HMGXB3: variants seen among roughly 807,000 people sequenced by gnomAD.
The protein encoded by HMGXB3 is HMG-box containing 3.
Under a neutral mutation model 121.5 loss-of-function variants are expected in HMGXB3, and 45 were observed. That is an observed-to-expected ratio of 0.37 (90% CI 0.29 to 0.47). The LOEUF (loss-of-function observed/expected upper bound fraction) is 0.47, where lower values mean the gene tolerates loss of function less well. HMGXB3 is among the 20% of genes least tolerant of loss of function. The pLI, the probability that HMGXB3 is intolerant of heterozygous loss-of-function variation, is 0.99. For synonymous variants in HMGXB3, 590 were observed against 624.1 expected (o/e 0.95, Z 0.81); for missense variants, 1,376 against 1,602.2 (o/e 0.86, Z 2.41).
Position 150,026,830 on chromosome 5 carries a change from C to T in HMGXB3, c.1585C>T (p.Arg529Ter). 1.9e-6 allele frequency: 3 copies of T among 1,541,512 alleles called. No homozygotes were observed. Among genetic ancestry groups the T allele is most frequent in the Non-Finnish European group, 1.8e-6 (2 of 1,142,494 alleles). ...AILPAPVNVG[R>*]GSSMGLPRAR... ...TTTGCCAGCCCCAGTTAACGTGGGG[C>T]GAGGCAGCAGCATGGGACTGCCCAG... Residue 529 changes from arginine (R) to a stop codon, truncating the protein, a stop_gained, in exon 8 of 20, where the codon CGA becomes TGA. Transcript: ENST00000502717. LOFTEE classifies it high-confidence loss of function.
chr5:150,016,596 C>A (rs7737689), intron 5 of HMGXB3, among the ~76,000 whole-genome samples: 113,554 of 152,076 alleles, frequency 0.75, 42,773 homozygotes, highest in Non-Finnish European at 0.8. Flanking sequence ...ATCAAGAAAT[C>A]TATTTTTCCA....
intron 11 of HMGXB3, among the ~76,000 whole-genome samples, chr5:150,034,206 T>A (rs566311764): frequency 1.1e-4 from 17 of 152,330 alleles, no homozygotes; most frequent in Non-Finnish European, 4.4e-5. Flanking sequence ...CTTCCCGGAT[T>A]TTCAGTGGGT....
At position 150,006,526 on chromosome 5, in the gene HMGXB3, TC is replaced by T; in HGVS notation, c.196del (p.His66ThrfsTer32). 6.4e-7 allele frequency: 1 copy of T among 1,551,894 alleles called. No individual in the cohort carries two copies. On this transcript the variant is annotated frameshift_variant, in exon 3 of 20. Coordinates refer to ENST00000502717, the MANE Select transcript of HMGXB3 (RefSeq NM_014983.3). ...ATCTACCTGAAAGTGCAGCAGGAGCTCCCCCACCTCCCTCAGTCTGAGATCA... is the reference window on the plus strand; with the variant it reads ...ATCTACCTGAAAGTGCAGCAGGAGCTCCCCACCTCCCTCAGTCTGAGATCA... Reference protein sequence around the residue: ...YDIYLKVQQELPHLPQSEINK... With the variant: ...YDIYLKVQQEXPHLPQSEINK...
Position 150,036,845 on chromosome 5 carries a change from C to T in HMGXB3, c.2193C>T (p.Val731=). 1 of 1,551,696 alleles carries T rather than the reference C, an allele frequency of 6.4e-7. No individual in the cohort carries two copies. Among genetic ancestry groups the T allele is most frequent in the Non-Finnish European group, 8.7e-7 (1 of 1,146,982 alleles). ...LILSNVSEET[V]TIEQTSWSNY... ...TGTCCAACGTGAGTGAGGAGACAGT[C>T]ACCATCGAGCAAACCTCTTGGTCGA... Residue 731 remains valine, a synonymous_variant, in exon 12 of 20, where the codon GTC becomes GTT. Transcript: ENST00000502717.
intron 7 of HMGXB3, among the ~76,000 whole-genome samples, chr5:150,026,188 T>C (rs187952920): frequency 6.6e-6 from 1 of 152,322 alleles, no homozygotes; most frequent in Non-Finnish European, 1.5e-5. Flanking sequence ...TGGTTTTGTA[T>C]ATTTAAAGGA....
chr5:150,037,925 A>G (rs545311999), intron 13 of HMGXB3, among the ~76,000 whole-genome samples: 1 of 152,370 alleles, frequency 6.6e-6, no homozygotes, highest in East Asian at 1.9e-4. Flanking sequence ...TCTTTGAACA[A>G]AAGTACGGTT....
intron 6 of HMGXB3, among the ~76,000 whole-genome samples, chr5:150,019,981 T>C (rs541689421): frequency 7.9e-5 from 12 of 152,332 alleles, no homozygotes; most frequent in African/African-American, 2.9e-4. Flanking sequence ...TTCAGACCCC[T>C]GCTTCCCAAG....
intron 5 of HMGXB3, among the ~76,000 whole-genome samples, chr5:150,016,779 A>G (rs1385534251): frequency 6.6e-6 from 1 of 152,138 alleles, no homozygotes; most frequent in Non-Finnish European, 1.5e-5. Context: ...ATTTAGATCT[A>G]TTATTATTTG....
In HMGXB3 at chr5:150,026,709, T is replaced by G; in HGVS notation, c.1464T>G (p.Ala488=). ...TTTCTCTTCTTATTCTTTTCAGAGCTGACCTGCTTACCCCTGGGTCCAGAG... is the reference window on the plus strand; with the variant it reads ...TTTCTCTTCTTATTCTTTTCAGAGCGGACCTGCTTACCCCTGGGTCCAGAG... The part of the protein sequence containing the change: ...PLPAPKKPTG[A]DLLTPGSRAP... The change falls in exon 8 of 20, where the codon GCT becomes GCG. Residue 488 remains alanine (A), a synonymous_variant. Transcript: ENST00000502717. The G allele has an allele frequency of 6.5e-7, 1 of 1,548,594 alleles. No homozygotes were observed. Among genetic ancestry groups the G allele is most frequent in the South Asian group, 1.2e-5 (1 of 83,646 alleles).
intron 11 of HMGXB3, among the ~76,000 whole-genome samples, chr5:150,034,622 A>T (rs1756460547): frequency 6.6e-6 from 1 of 152,144 alleles, no homozygotes. Flanking sequence ...CACCCCCAGG[A>T]CCCTCATCTG....
intron 4 of HMGXB3, among the ~76,000 whole-genome samples, chr5:150,010,838 AC>A (rs1232291121): frequency 6.6e-6 from 1 of 152,262 alleles, no homozygotes; most frequent in East Asian, 1.9e-4. Flanking sequence ...AATTTTCTTC[AC>A]ATGAGATGGT....
chr5:150,010,859 A>G (rs1302770628), intron 4 of HMGXB3, among the ~76,000 whole-genome samples: 1 of 152,264 alleles, frequency 6.6e-6, no homozygotes, highest in African/African-American at 2.4e-5. Flanking sequence ...TTCATAAGCT[A>G]CATTAGCAAG....
At chr5:150,030,685 A>C in intron 9 of HMGXB3, 56 bp from the exon 10 acceptor site, 3 of 1,286,352 alleles carry the variant, frequency 2.3e-6, no homozygotes, top group Non-Finnish European at 2.2e-6. Flanking sequence ...AGGACATGGG[A>C]GCTCAGGAGT....
Position 150,006,462 on chromosome 5 carries a change from T to C in HMGXB3, c.138-11T>C, listed in dbSNP as rs1393549316. 1 of 1,545,158 alleles carries C rather than the reference T, an allele frequency of 6.5e-7. No homozygotes were observed. Among genetic ancestry groups the C allele is most frequent in the East Asian group, 2.4e-5 (1 of 40,868 alleles). On this transcript the variant is annotated splice_polypyrimidine_tract_variant and intron_variant, in intron 2 of 19. Coordinates refer to ENST00000502717, the MANE Select transcript of HMGXB3 (RefSeq NM_014983.3). ...TACTGGGAAAGCCTGAAGAAGTCAT[T>C]GCTTCCTCAGGTCTGCTTACCTTCT... is the stretch of plus-strand genomic sequence containing the variant.
chr5:150,037,584 T>G, intron 13 of HMGXB3, 57 bp downstream of exon 13: 1 of 1,413,816 alleles, frequency 7.1e-7, no homozygotes, highest in Non-Finnish European at 9.4e-7. Flanking sequence ...GGGAACTGCC[T>G]CTATGGATGA....
chr5:150,018,158 C>G (rs2113734881), intron 5 of HMGXB3, among the ~76,000 whole-genome samples: 1 of 152,318 alleles, frequency 6.6e-6, no homozygotes, highest in East Asian at 1.9e-4. Flanking sequence ...AATATGGGTT[C>G]TAGGTCTAGC....
In HMGXB3 at chr5:150,049,161, G is replaced by A. The variant is rs529157275; in HGVS notation, c.3201+476G>A. On this transcript the variant is annotated intron_variant, in intron 18 of 19. Coordinates refer to ENST00000502717, the MANE Select transcript of HMGXB3 (RefSeq NM_014983.3). ...AGTGTCACAGCCAAGGGACCACCAA[G>A]GCCGTGAGTGGGGAGACAGAGTGAG... Among the ~76,000 whole-genome samples, 16 of 152,356 alleles carry A rather than the reference G, an allele frequency of 1.1e-4. No homozygotes were observed. The South Asian group carries it at 2.7e-3, about 26-fold the overall frequency.
At chr5:150,017,857 T>G (rs546954587) in intron 5 of HMGXB3, among the ~76,000 whole-genome samples, 1 of 152,340 alleles carries the variant, frequency 6.6e-6, no homozygotes, top group East Asian at 1.9e-4. Flanking sequence ...GCTGAAATAT[T>G]ATAACCCATA....
intron 14 of HMGXB3, 41 bp from the exon 15 acceptor site, chr5:150,041,744 C>CT: frequency 1.3e-6 from 2 of 1,508,780 alleles, no homozygotes; most frequent in Non-Finnish European, 1.8e-6. Context: ...GCTTCAGTGT[C>CT]TTTTTCTGTG....
Sources: allele counts gnomAD v4.1 joint callset (sites outside exome capture counted in the v4.1 genomes callset), GRCh38; gene constraint gnomAD v4.1.1; transcripts MANE v1.5; gene names NCBI Gene and HGNC (gene_info 2026-07-23, HGNC 2026-07-21).